SLC25A10: variants seen among roughly 807,000 people sequenced by gnomAD.
SLC25A10 encodes the protein mitochondrial dicarboxylate carrier.
A neutral mutation model predicts 40.4 loss-of-function variants in SLC25A10; 32 were observed. The observed-to-expected ratio is 0.79, with a 90% CI of 0.60 to 1.06. SLC25A10 has a LOEUF of 1.06. SLC25A10 is among the 50% of genes least tolerant of loss of function. The probability of loss-of-function intolerance (pLI) is 0.00; values close to 1 mark genes in which losing one functional copy is unlikely to be tolerated. For missense variants in SLC25A10, 394 were observed against 402.6 expected, an observed-to-expected ratio of 0.98 and a Z score of 0.18; for synonymous variants, 181 against 171.1, an observed-to-expected ratio of 1.06 and a Z score of -0.45.
rs760060729 is a variant in SLC25A10 at position 81,715,083 on chromosome 17, T to C, written c.213+11T>C. ...TCGCTGTGCAGACAGGTGCGTGGTG[T>C]GTGCCAGCCTTGGGCTCCCAGACTG... On this transcript the variant is annotated intron_variant, in intron 2 of 10. Coordinates refer to ENST00000350690, the MANE Select transcript of SLC25A10 (RefSeq NM_012140.5). 4 of 1,607,408 alleles carry C rather than the reference T, an allele frequency of 2.5e-6. No individual in the cohort carries two copies. Among genetic ancestry groups the C allele is most frequent in the Non-Finnish European group, 3.4e-6 (4 of 1,178,626 alleles).
At position 81,717,765 on chromosome 17, in the gene SLC25A10, T is replaced by C; in HGVS notation, c.628-19T>C. ...CCTGGCGTACCTGACAGGCCGCTGG[T>C]GACGAGCCCCCTCCTCAGGGTGGAT... On this transcript the variant is annotated intron_variant, in intron 8 of 10. Transcript: ENST00000350690. The C allele has an allele frequency of 6.2e-7, 1 of 1,607,988 alleles. No homozygotes were observed. Among genetic ancestry groups the C allele is most frequent in the African/African-American group, 1.3e-5 (1 of 74,880 alleles).
chr17:81,713,590 C>A, intron 1 of SLC25A10: 1 of 661,152 alleles, frequency 1.5e-6, no homozygotes, highest in Non-Finnish European at 1.9e-6. Context: ...CACAGGCAGC[C>A]ACGGCCAGTG....
At position 81,715,133 on chromosome 17, in the gene SLC25A10, A is replaced by G; in HGVS notation, c.213+61A>G. The G allele has an allele frequency of 1.9e-6, 3 of 1,584,692 alleles. No homozygotes were observed. In the South Asian group the frequency reaches 3.4e-5, roughly 18 times the overall value. On this transcript the variant is annotated intron_variant, in intron 2 of 10. Coordinates refer to ENST00000350690, the MANE Select transcript of SLC25A10 (RefSeq NM_012140.5). Reference sequence around the variant, plus strand: ...GGGGCTGAGTCCTGCAGTGGCATCCAAGCTACTTCCGTCCCCTTTTCAAGA... The same window carrying G: ...GGGGCTGAGTCCTGCAGTGGCATCCGAGCTACTTCCGTCCCCTTTTCAAGA...
intron 5 of SLC25A10, chr17:81,716,602 C>G (rs190583551): frequency 2.2e-5 from 13 of 600,254 alleles, no homozygotes; most frequent in Admixed American, 5.9e-5. Context: ...CTGTTGGAAA[C>G]GATGGAACCT....
At chr17:81,716,564 T>C (rs2037490096) in intron 5 of SLC25A10, 1 of 584,990 alleles carries the variant, frequency 1.7e-6, no homozygotes, top group Non-Finnish European at 3.1e-6. Flanking sequence ...GAGGCCTGCA[T>C]GCTAGGAGCG....
chr17:81,715,372 G>T, intron 2 of SLC25A10, 106 bp from the exon 3 acceptor site: 2 of 1,016,376 alleles, frequency 2.0e-6, no homozygotes, highest in Non-Finnish European at 1.5e-6. Flanking sequence ...GCCCCTCAGG[G>T]TCCCTGTGGC....
rs2037508497 is a variant in SLC25A10, at chr17:81,717,396, C to A, written c.535-3C>A. On this transcript the variant is annotated splice_polypyrimidine_tract_variant and splice_region_variant and intron_variant, in intron 7 of 10. Coordinates refer to ENST00000350690, the MANE Select transcript of SLC25A10 (RefSeq NM_012140.5). ...AGCCCTGACCGCCCTTGTGCCCCTG[C>A]AGCTGTCCTGCTACGACCAGGCCAA... 1 of 1,613,134 alleles carries A rather than the reference C, an allele frequency of 6.2e-7. No individual in the cohort carries two copies. The highest frequency in any genetic ancestry group is 1.7e-5 in the Admixed American group (1 of 60,006).
intron 5 of SLC25A10, 77 bp downstream of exon 5, chr17:81,716,127 C>T (rs751131500): frequency 3.4e-5 from 50 of 1,481,384 alleles, no homozygotes; most frequent in East Asian, 4.9e-5. Flanking sequence ...GCTGCTCTGC[C>T]GTGACCCAGC....
intron 1 of SLC25A10, 48 bp downstream of exon 1, chr17:81,712,567 C>T (rs1191080827): frequency 8.5e-7 from 1 of 1,177,730 alleles, no homozygotes; most frequent in Admixed American, 4.3e-5. Flanking sequence ...CTGGCGCCGC[C>T]GAGACGCCTG....
Position 81,717,800 on chromosome 17 carries a change from T to C in SLC25A10, c.644T>C (p.Phe215Ser). 1 of 1,612,046 alleles carries C rather than the reference T, an allele frequency of 6.2e-7. No homozygotes were observed. Among genetic ancestry groups the C allele is most frequent in the South Asian group, 1.1e-5 (1 of 90,886 alleles). Residue 215 changes from phenylalanine (F) to serine (S), a missense_variant, in exon 9 of 11, where the codon TTC (phenylalanine) becomes TCC (serine). Transcript: ENST00000350690. ...ASFIAGGCAT[F>S]LCQPLDVLKT... ...CCTCCTCAGGGTGGATGTGCCACGT[T>C]CCTGTGCCAGCCCCTGGATGTGCTG... is the stretch of plus-strand genomic sequence containing the variant.
At chr17:81,715,988 C>A in intron 4 of SLC25A10, 21 bp from the exon 5 acceptor site, 1 of 1,569,614 alleles carries the variant, frequency 6.4e-7, no homozygotes, top group East Asian at 2.3e-5. Context: ...CCGCCCCTCC[C>A]GCCACCTGCT....
rs374321537 is a variant in SLC25A10, at chr17:81,719,794, A to G, written c.706-37A>G. ...GATTTTCGTTGCCTTTTGGGTGAGA[A>G]GCAGCCTTTTTGATTGTTTCACTGC... On this transcript the variant is annotated intron_variant, in intron 9 of 10. Coordinates refer to ENST00000350690, the MANE Select transcript of SLC25A10 (RefSeq NM_012140.5). The G allele has an allele frequency of 1.5e-4, 245 of 1,610,722 alleles. 1 individual carries two copies. In the African/African-American group the frequency reaches 2.7e-3, roughly 18 times the overall value.
chr17:81,717,794 C>T lies in SLC25A10; in HGVS notation c.638C>T (p.Ala213Val). 1 of 1,611,694 alleles carries T rather than the reference C, an allele frequency of 6.2e-7. No homozygotes were observed. Among genetic ancestry groups the T allele is most frequent in the Non-Finnish European group, 8.5e-7 (1 of 1,179,638 alleles). ...GAGCCCCCTCCTCAGGGTGGATGTG[C>T]CACGTTCCTGTGCCAGCCCCTGGAT... ...FVASFIAGGC[A>V]TFLCQPLDVL... The change falls in exon 9 of 11, where the codon GCC becomes GTC. Residue 213 changes from alanine to valine, a missense_variant. Transcript: ENST00000350690.
intron 1 of SLC25A10, among the ~76,000 whole-genome samples, chr17:81,714,052 G>A (rs1183106704): frequency 6.6e-6 from 1 of 152,224 alleles, no homozygotes; most frequent in Non-Finnish European, 1.5e-5. Flanking sequence ...GCTGCTACCT[G>A]TGTGGCCCAG....
rs545324973 is a variant in SLC25A10 at position 81,720,003 on chromosome 17, A to T, written c.790A>T (p.Ile264Phe). 1.2e-6 allele frequency: 2 copies of T among 1,613,666 alleles called. No individual in the cohort carries two copies. Among genetic ancestry groups the T allele is most frequent in the South Asian group, 2.2e-5 (2 of 91,076 alleles). ...CCTCGTCCCAGCTGGCATCCGCCTC[A>T]TCCCCCACACCGTGCTCACTTTTGT... ...KGLVPAGIRL[I>F]PHTVLTFVFL... The change falls in exon 11 of 11, where the codon ATC (isoleucine) becomes TTC (phenylalanine). Residue 264 changes from isoleucine to phenylalanine, a missense_variant. Transcript: ENST00000350690.
In SLC25A10 at chr17:81,720,529, G is replaced by T. The variant is rs1420964340; in HGVS notation, c.*452G>T. Reference sequence around the variant, plus strand: ...CACCCAAGTGCTAGCTCTGCACTTCGTGTCTGCTGAGAGCAACCAGACCTT... The same window carrying T: ...CACCCAAGTGCTAGCTCTGCACTTCTTGTCTGCTGAGAGCAACCAGACCTT... On this transcript the variant is annotated 3_prime_UTR_variant, in exon 11 of 11. Transcript: ENST00000350690. 47 of 1,292,754 alleles carry T rather than the reference G, an allele frequency of 3.6e-5. No individual in the cohort carries two copies. The highest frequency in any genetic ancestry group is 4.3e-5 in the Non-Finnish European group (44 of 1,024,576). 80.1% of individuals were successfully genotyped at this position (1,292,754 alleles called of 1,614,324 possible).
chr17:81,716,717 C>T (rs1014472433), intron 5 of SLC25A10, 95 bp from the exon 6 acceptor site: 8 of 1,336,288 alleles, frequency 6.0e-6, no homozygotes, highest in Admixed American at 4.1e-5. Flanking sequence ...TCTGCTTCCT[C>T]GAGAACCCCC....
At chr17:81,718,357 C>T (rs1052412806) in intron 9 of SLC25A10, among the ~76,000 whole-genome samples, 13 of 152,028 alleles carry the variant, frequency 8.6e-5, no homozygotes, top group South Asian at 6.2e-4. Context: ...TGGTGGCGTG[C>T]GCCTGTAATC....
intron 1 of SLC25A10, among the ~76,000 whole-genome samples, chr17:81,712,978 C>G (rs1020165752): frequency 2.6e-5 from 4 of 152,222 alleles, no homozygotes; most frequent in Non-Finnish European, 2.9e-5. Flanking sequence ...AGCCGCCCCC[C>G]ACCCAGGGGT....
Sources: gnomAD v4.1 joint callset for allele counts (sites outside exome capture counted in the v4.1 genomes callset) on GRCh38, gnomAD v4.1.1 for gene constraint, MANE v1.5 for transcripts, NCBI Gene and HGNC (gene_info 2026-07-23, HGNC 2026-07-21) for gene names.